PRRG3: variants seen among roughly 807,000 people sequenced by gnomAD.
The protein encoded by PRRG3 is proline rich and Gla domain 3, also known as transmembrane gamma-carboxyglutamic acid protein 3.
Under a neutral mutation model 15.8 loss-of-function variants are expected in PRRG3, and 21 were observed. The ratio of observed to expected loss-of-function variants is 1.33; its 90% CI spans 0.94 to 1.92. PRRG3 has a LOEUF of 1.92. PRRG3 is among the 40% of genes most tolerant of loss of function. The pLI is 0.00. For missense variants in PRRG3, 251 were observed against 200.2 expected (o/e 1.25, Z -1.53); for synonymous variants, 125 against 84.1 (o/e 1.49, Z -2.66).
At position 151,705,658 on chromosome X, in the gene PRRG3, C is replaced by T. The variant is rs1276575880; in HGVS notation, c.*4625C>T. ...GGAAACCCTGATATGTGCAACTGAG[C>T]TTATAGAAATAATTACTGTGAAATG... On this transcript the variant is annotated 3_prime_UTR_variant, in exon 4 of 4. Coordinates refer to ENST00000674457, the MANE Select transcript of PRRG3 (RefSeq NM_001372163.1). The T allele has an allele frequency of 5.6e-6, 1 of 178,336 alleles. No individual in the cohort carries two copies. The highest frequency in any genetic ancestry group is 1.1e-5 in the Non-Finnish European group (1 of 93,939). The allele number at this position is 178,336 out of a possible 1,213,427, so 14.7% of individuals were successfully genotyped here. A position where few individuals can be genotyped will look rare whatever the true frequency, so the allele number is the denominator to read the frequency against.
At chrX:151,699,835 C>T (rs982159161) in intron 2 of PRRG3, 161 bp from the exon 3 acceptor site, 2 of 496,909 alleles carry the variant, frequency 4.0e-6, no homozygotes, top group Admixed American at 4.0e-5. Context: ...ATCCCTTTCA[C>T]AAAGGGCCGG....
chrX:151,696,593 A>G (rs2014764406), intron 1 of PRRG3, among the ~76,000 whole-genome samples: 1 of 111,306 alleles, frequency 9.0e-6, no homozygotes, highest in Admixed American at 9.5e-5. Context: ...ATTTTTTTAA[A>G]AAACCACTGC....
At chrX:151,698,861 T>C in intron 2 of PRRG3, 40 bp downstream of exon 2, 1 of 1,159,006 alleles carries the variant, frequency 8.6e-7, no homozygotes, top group Non-Finnish European at 1.2e-6. Context: ...TGGAGGGCCA[T>C]GCCTAGGGGT....
chrX:151,697,446 G>A (rs1015683825), intron 1 of PRRG3, among the ~76,000 whole-genome samples: 11 of 111,387 alleles, frequency 9.9e-5, no homozygotes, highest in African/African-American at 3.6e-4. Flanking sequence ...TTATAGGCAT[G>A]AGCCACCGCG....
At chrX:151,700,337 C>A (rs1340622891) in intron 3 of PRRG3, 169 bp from the exon 4 acceptor site, 2 of 1,142,424 alleles carry the variant, frequency 1.8e-6, no homozygotes, top group African/African-American at 1.8e-5. Context: ...CTTTTGGGGT[C>A]CTCCTCACTT....
At chrX:151,694,963 C>A (rs2014730396), upstream of PRRG3, among the ~76,000 whole-genome samples, 1 of 109,816 alleles carries the variant, frequency 9.1e-6, no homozygotes, top group African/African-American at 3.2e-5. Context: ...GGGGCAGGGG[C>A]GGCGCCGGCA....
Position 151,700,728 on chromosome X carries a change from C to A in PRRG3, c.391C>A (p.Arg131=). 1 of 1,209,936 alleles carries A rather than the reference C, an allele frequency of 8.3e-7. No homozygotes were observed. Among genetic ancestry groups the A allele is most frequent in the Non-Finnish European group, 1.1e-6 (1 of 894,264 alleles). The change falls in exon 4 of 4, where the codon CGG becomes AGG. Residue 131 remains arginine, a synonymous_variant. Coordinates refer to ENST00000674457, the MANE Select transcript of PRRG3 (RefSeq NM_001372163.1). ...CAGTCGCGCCGGGCACACCCTCCCC[C>A]GGGTCATGGTGTACCGGGGTACTGT... The part of the protein sequence containing the change: ...LASRAGHTLP[R]VMVYRGTVHS...
Position 151,700,804 on chromosome X carries a change from A to G in PRRG3, c.467A>G (p.Gln156Arg). Reference protein sequence around the residue: ...SGHREAANSPQVVLGPSRGGR... With the variant: ...SGHREAANSPRVVLGPSRGGR... Reference sequence around the variant, plus strand: ...CACCGAGAGGCAGCGAACAGCCCCCAGGTGGTGCTGGGGCCCAGTCGGGGG... The same window carrying G: ...CACCGAGAGGCAGCGAACAGCCCCCGGGTGGTGCTGGGGCCCAGTCGGGGG... The change falls in exon 4 of 4, where the codon CAG becomes CGG. Residue 156 changes from glutamine to arginine, a missense_variant. Gln to Arg is a conservative substitution (Grantham distance 43). Transcript: ENST00000674457. 8.4e-7 allele frequency: 1 copy of G among 1,191,501 alleles called. No homozygotes were observed. The highest frequency in any genetic ancestry group is 1.1e-6 in the Non-Finnish European group (1 of 883,930).
intron 3 of PRRG3, 24 bp from the exon 4 acceptor site, chrX:151,700,482 T>A (rs751979439): frequency 1.7e-6 from 2 of 1,166,858 alleles, no homozygotes; most frequent in Admixed American, 4.8e-5. Context: ...GAGCTTCTCT[T>A]AAGTACCACT....
chrX:151,694,850 G>C (rs1163547006), upstream of PRRG3, among the ~76,000 whole-genome samples: 1 of 111,744 alleles, frequency 8.9e-6, no homozygotes. Flanking sequence ...CGTATCTTCC[G>C]AGGGCCCACG....
At chrX:151,700,280 G>C (rs1430602109) in intron 3 of PRRG3, 124 bp downstream of exon 3, 1 of 1,172,411 alleles carries the variant, frequency 8.5e-7, no homozygotes, top group Non-Finnish European at 1.1e-6. Flanking sequence ...ATAGCCACTA[G>C]GGCCATCACG....
chrX:151,700,912 C>G lies in PRRG3; in HGVS notation c.575C>G (p.Pro192Arg), dbSNP rs746260075. The part of the protein sequence containing the change: ...LSRLSSTTPP[P>R]SYEEVTAPQE... Reference sequence around the variant, plus strand: ...AGACTGTCCAGCACCACCCCTCCCCCCTCCTACGAGGAGGTGACTGCGCCC... The same window carrying G: ...AGACTGTCCAGCACCACCCCTCCCCGCTCCTACGAGGAGGTGACTGCGCCC... Residue 192 changes from proline to arginine, a missense_variant, in exon 4 of 4, where the codon CCC (proline) becomes CGC (arginine). By Grantham distance (103) the Pro-to-Arg change is moderately radical. Coordinates refer to ENST00000674457, the MANE Select transcript of PRRG3 (RefSeq NM_001372163.1). 4 of 1,210,826 alleles carry G rather than the reference C, an allele frequency of 3.3e-6. No homozygotes were observed. The highest frequency in any genetic ancestry group is 4.5e-6 in the Non-Finnish European group (4 of 895,077).
intron 1 of PRRG3, among the ~76,000 whole-genome samples, chrX:151,697,170 TTCTC>T (rs2014781721): frequency 1.1e-5 from 1 of 94,925 alleles, no homozygotes; most frequent in Non-Finnish European, 2.1e-5. Flanking sequence ...CTTTCTCTCT[TTCTC>T]TCTTTCTTTC....
chrX:151,696,202 C>T (rs1467965190), intron 1 of PRRG3, among the ~76,000 whole-genome samples: 1 of 111,741 alleles, frequency 8.9e-6, no homozygotes, highest in Non-Finnish European at 1.9e-5. Flanking sequence ...TGTGTGGCTG[C>T]AGCATCATTC....
At chrX:151,697,660 G>A (rs2014790771) in intron 1 of PRRG3, among the ~76,000 whole-genome samples, 1 of 110,229 alleles carries the variant, frequency 9.1e-6, no homozygotes, top group Admixed American at 9.7e-5. Flanking sequence ...TGGCAGCCTA[G>A]GCAAAAAGGA....
chrX:151,696,615 A>G (rs1255698900), intron 1 of PRRG3, among the ~76,000 whole-genome samples: 2 of 111,370 alleles, frequency 1.8e-5, no homozygotes, highest in Non-Finnish European at 3.8e-5. Context: ...GTTTCCTTTG[A>G]TAAGCATATT....
At position 151,701,348 on chromosome X, in the gene PRRG3, A is replaced by C; in HGVS notation, c.*315A>C. 2 of 184,289 alleles carry C rather than the reference A, an allele frequency of 1.1e-5. No individual in the cohort carries two copies. Among genetic ancestry groups the C allele is most frequent in the Non-Finnish European group, 2.0e-5 (2 of 98,655 alleles). The allele number at this position is 184,289 out of a possible 1,213,427, so 15.2% of individuals were successfully genotyped here. The stretch of plus-strand genomic sequence containing the variant: ...TCTCTTATGCCAAAGGAATAACCCC[A>C]TTGAGTTGATTGTGGCCAGAATGTC... On this transcript the variant is annotated 3_prime_UTR_variant, in exon 4 of 4. Coordinates refer to ENST00000674457, the MANE Select transcript of PRRG3 (RefSeq NM_001372163.1).
intron 1 of PRRG3, among the ~76,000 whole-genome samples, chrX:151,697,029 C>CT (rs1825114623): frequency 9.8e-6 from 1 of 101,778 alleles, no homozygotes; most frequent in Non-Finnish European, 2.0e-5. Context: ...TCCTTCCTTC[C>CT]TCCCTCCCCT....
rs758491538 is a variant in PRRG3, at chrX:151,701,366, A to G, written c.*333A>G. 1.4e-3 allele frequency: 236 copies of G among 164,779 alleles called. 1 individual carries two copies. Among genetic ancestry groups the G allele is most frequent in the African/African-American group, 6.6e-3 (218 of 33,126 alleles). The allele number at this position is 164,779 out of a possible 1,213,427, so 13.6% of individuals were successfully genotyped here. A position where few individuals can be genotyped will look rare whatever the true frequency, so the allele number is the denominator to read the frequency against. Reference sequence around the variant, plus strand: ...TAACCCCATTGAGTTGATTGTGGCCAGAATGTCCACAGGCCTGGCCTGGGG... The same window carrying G: ...TAACCCCATTGAGTTGATTGTGGCCGGAATGTCCACAGGCCTGGCCTGGGG... On this transcript the variant is annotated 3_prime_UTR_variant, in exon 4 of 4. Transcript: ENST00000674457.
Sources: gnomAD v4.1 joint callset for allele counts (sites outside exome capture counted in the v4.1 genomes callset) on GRCh38, gnomAD v4.1.1 for gene constraint, MANE v1.5 for transcripts, NCBI Gene and HGNC (gene_info 2026-07-23, HGNC 2026-07-21) for gene names.